The following IL1RAPL2 variants were observed in gnomAD, a reference collection of about 807,000 sequenced individuals.
IL1RAPL2 encodes the protein X-linked interleukin-1 receptor accessory protein-like 2.
In IL1RAPL2, 3 loss-of-function variants were observed where a neutral mutation model predicts 44.1. The ratio of observed to expected loss-of-function variants is 0.07; its 90% CI spans 0.03 to 0.18. The LOEUF is 0.18. IL1RAPL2 is among the 10% of genes least tolerant of loss of function. IL1RAPL2 has a pLI of 1.00. For missense variants in IL1RAPL2, 391 were observed against 496.4 expected (o/e 0.79, Z 2.02); for synonymous variants, 181 against 178.8 (o/e 1.01, Z -0.10).
intron 3 of IL1RAPL2, among the ~76,000 whole-genome samples, chrX:105,195,955 C>T (rs2033669341): frequency 8.9e-6 from 1 of 111,759 alleles, no homozygotes; most frequent in Non-Finnish European, 1.9e-5. Flanking sequence ...ATAGGATTCC[C>T]ATTTACTGTG....
At chrX:104,946,379 C>CAAAAAAAAAA (rs1157603029) in intron 2 of IL1RAPL2, among the ~76,000 whole-genome samples, 275 of 9,130 alleles carry the variant, frequency 0.03, 113 homozygotes, top group Non-Finnish European at 0.032. Flanking sequence ...GACTCCGTCT[C>CAAAAAAAAAA]AAAAAAAAAA....
At chrX:105,275,188 G>A (rs1418368336) in intron 5 of IL1RAPL2, among the ~76,000 whole-genome samples, 2 of 108,508 alleles carry the variant, frequency 1.8e-5, no homozygotes, top group Non-Finnish European at 3.8e-5. Context: ...TCTAGCCTGG[G>A]TTACAGAGTG....
intron 2 of IL1RAPL2, among the ~76,000 whole-genome samples, chrX:105,077,355 A>T (rs1173509739): frequency 5.4e-5 from 6 of 111,756 alleles, no homozygotes; most frequent in African/African-American, 2.0e-4. Flanking sequence ...TTTCTTTAAG[A>T]ATGTTGAATA....
intron 2 of IL1RAPL2, among the ~76,000 whole-genome samples, chrX:104,752,280 A>AGTGTGT (rs754089849): frequency 3.8e-5 from 4 of 106,053 alleles, no homozygotes; most frequent in African/African-American, 1.0e-4. Flanking sequence ...TTGGCGTGAG[A>AGTGTGT]GTGTGTGTGT....
In IL1RAPL2 at chrX:105,645,205, G is replaced by A. The variant is rs1168748552; in HGVS notation, c.773-72162G>A. Among the ~76,000 whole-genome samples, 3 of 111,334 alleles carry A rather than the reference G, an allele frequency of 2.7e-5. No homozygotes were observed. In the Admixed American group the frequency reaches 2.9e-4, roughly 11 times the overall value. On this transcript the variant is annotated intron_variant, in intron 6 of 10. Coordinates refer to ENST00000372582, the MANE Select transcript of IL1RAPL2 (RefSeq NM_017416.2). ...ATGCTGGCAAATTTCTGTCCTAAAC[G>A]TCCCATCATGCTGTATTTTTTCCCT...
intron 2 of IL1RAPL2, among the ~76,000 whole-genome samples, chrX:104,676,804 T>C (rs1446571261): frequency 2.7e-5 from 3 of 111,646 alleles, no homozygotes; most frequent in Non-Finnish European, 5.6e-5. Flanking sequence ...CATTTCTTTT[T>C]ATTCTTTTTT....
intron 2 of IL1RAPL2, among the ~76,000 whole-genome samples, chrX:105,116,482 T>C (rs2032863453): frequency 9.9e-6 from 1 of 101,185 alleles, no homozygotes; most frequent in Admixed American, 9.9e-5. Flanking sequence ...GCATTTTTTT[T>C]TCCCATAGCA....
chrX:105,579,559 C>T (rs2037073639), intron 6 of IL1RAPL2, among the ~76,000 whole-genome samples: 1 of 111,162 alleles, frequency 9.0e-6, no homozygotes. Context: ...TTACCATTTA[C>T]ACTACTACTA....
At chrX:105,232,488 T>C (rs902381957) in intron 3 of IL1RAPL2, among the ~76,000 whole-genome samples, 1 of 111,885 alleles carries the variant, frequency 8.9e-6, no homozygotes, top group Non-Finnish European at 1.9e-5. Flanking sequence ...AAAACAGATA[T>C]GGTCCTGAAA....
intron 2 of IL1RAPL2, among the ~76,000 whole-genome samples, chrX:104,713,516 T>C (rs1235621084): frequency 9.0e-6 from 1 of 111,197 alleles, no homozygotes; most frequent in Non-Finnish European, 1.9e-5. Flanking sequence ...CTCAGAGGCA[T>C]GCAACCACAA....
intron 6 of IL1RAPL2, among the ~76,000 whole-genome samples, chrX:105,526,128 A>G (rs1225410714): frequency 8.9e-6 from 1 of 112,115 alleles, no homozygotes; most frequent in Non-Finnish European, 1.9e-5. Context: ...AAGAAGTAAT[A>G]TTAAATACTA....
chrX:104,576,216 A>T (rs1483165150), intron 1 of IL1RAPL2, among the ~76,000 whole-genome samples: 1 of 111,475 alleles, frequency 9.0e-6, no homozygotes, highest in Non-Finnish European at 1.9e-5. Flanking sequence ...CTAGTCACAA[A>T]GCTATTGAAA....
chrX:105,068,983 G>A (rs1367252676), intron 2 of IL1RAPL2, among the ~76,000 whole-genome samples: 1 of 112,357 alleles, frequency 8.9e-6, no homozygotes, highest in Non-Finnish European at 1.9e-5. Flanking sequence ...GATCACAACT[G>A]AGCCTTGTGC....
intron 2 of IL1RAPL2, among the ~76,000 whole-genome samples, chrX:104,909,158 A>C (rs1232736063): frequency 2.7e-5 from 3 of 111,827 alleles, no homozygotes; most frequent in Non-Finnish European, 5.6e-5. Flanking sequence ...CTTCTGCATT[A>C]TTCTCGTAGT....
chrX:105,049,802 G>A (rs1477904806), intron 2 of IL1RAPL2, among the ~76,000 whole-genome samples: 3 of 110,853 alleles, frequency 2.7e-5, no homozygotes, highest in Non-Finnish European at 5.7e-5. Flanking sequence ...TGAAAATTAA[G>A]TACTCCTTGC....
chrX:105,138,863 A>G (rs1246258466), intron 2 of IL1RAPL2, among the ~76,000 whole-genome samples: 1 of 110,885 alleles, frequency 9.0e-6, no homozygotes, highest in Non-Finnish European at 1.9e-5. Context: ...TGGCTCCATC[A>G]TGCTAGTGGC....
intron 8 of IL1RAPL2, among the ~76,000 whole-genome samples, chrX:105,746,047 T>C (rs1291490942): frequency 8.9e-6 from 1 of 111,905 alleles, no homozygotes; most frequent in Non-Finnish European, 1.9e-5. Context: ...GAACAAACAT[T>C]CAGACCATGA....
intron 6 of IL1RAPL2, among the ~76,000 whole-genome samples, chrX:105,557,114 C>T (rs1373207910): frequency 1.1e-4 from 12 of 111,813 alleles, no homozygotes; most frequent in Non-Finnish European, 1.7e-4. Flanking sequence ...TTTAGAAAAG[C>T]GAATTATATC....
At chrX:104,955,909 T>C (rs1925699445) in intron 2 of IL1RAPL2, among the ~76,000 whole-genome samples, 1 of 111,328 alleles carries the variant, frequency 9.0e-6, no homozygotes, top group Non-Finnish European at 1.9e-5. Flanking sequence ...GGGAAAAAAA[T>C]AGGGGTTGGA....
Sources: allele counts gnomAD v4.1 joint callset (sites outside exome capture counted in the v4.1 genomes callset), GRCh38; gene constraint gnomAD v4.1.1; transcripts MANE v1.5; gene names NCBI Gene and HGNC (gene_info 2026-07-23, HGNC 2026-07-21).